Variants in ZNF365 observed in about 807,000 individuals in gnomAD.
ZNF365 encodes zinc finger protein 365, also known as protein ZNF365.
A neutral mutation model predicts 35.0 loss-of-function variants in ZNF365; 22 were observed. The observed-to-expected ratio is 0.63, with a 90% CI of 0.45 to 0.90. The LOEUF (loss-of-function observed/expected upper bound fraction) is 0.90, where lower values mean the gene tolerates loss of function less well. Ranked by LOEUF, ZNF365 falls within the 40% of genes least tolerant of loss-of-function variation. The pLI, the probability that ZNF365 is intolerant of heterozygous loss-of-function variation, is 0.00. For missense variants in ZNF365, 448 were observed against 500.3 expected, an observed-to-expected ratio of 0.90 and a Z score of 1.00; for synonymous variants, 188 against 196.2, an observed-to-expected ratio of 0.96 and a Z score of 0.35.
chr10:62,463,624 T>C (rs10995170), intron 4 of ZNF365, among the ~76,000 whole-genome samples: 45,326 of 152,190 alleles, frequency 0.3, 6,849 homozygotes, highest in South Asian at 0.35. Context: ...GTTAGAAGTG[T>C]TGTTACACAG....
intron 3 of ZNF365, among the ~76,000 whole-genome samples, chr10:62,455,602 T>A (rs2132476770): frequency 6.6e-6 from 1 of 151,872 alleles, no homozygotes; most frequent in South Asian, 2.1e-4. Flanking sequence ...AAATACTGAT[T>A]TATAAATCTC....
Position 62,402,104 on chromosome 10 carries a change from T to C in ZNF365, c.*2315T>C, listed in dbSNP as rs180949518. On this transcript the variant is annotated 3_prime_UTR_variant, in exon 5 of 5. Transcript: ENST00000395254. ...CCTGTTTGTGTCTTATTTTTAAATA[T>C]TTTCTTTGTCCACATGGGCCGTTGA... is the stretch of plus-strand genomic sequence containing the variant. 40 of 985,950 alleles carry C rather than the reference T, an allele frequency of 4.1e-5. No homozygotes were observed. The Admixed American group carries it at 2.2e-3, about 55-fold the overall frequency. 61.1% of individuals were successfully genotyped at this position (985,950 alleles called of 1,614,324 possible).
chr10:62,397,524 CA>C (rs1419244541), intron 3 of ZNF365, among the ~76,000 whole-genome samples: 3 of 152,178 alleles, frequency 2.0e-5, no homozygotes, highest in East Asian at 3.8e-4. Flanking sequence ...AGATCAGGAT[CA>C]GGGGGATGGA....
chr10:62,403,291 C>T (rs758129661), downstream of ZNF365, among the ~76,000 whole-genome samples: 4 of 152,082 alleles, frequency 2.6e-5, no homozygotes, highest in South Asian at 2.1e-4. Context: ...ATTGTCTTCA[C>T]GTTGGGTGGG....
At chr10:62,430,382 A>G (rs908324351) in intron 3 of ZNF365, among the ~76,000 whole-genome samples, 2 of 150,438 alleles carry the variant, frequency 1.3e-5, no homozygotes, top group Non-Finnish European at 1.5e-5. Context: ...GGGTTTCACC[A>G]TGTTAGCCAG....
chr10:62,469,897 C>T (rs946992515), intron 4 of ZNF365, among the ~76,000 whole-genome samples: 8 of 152,174 alleles, frequency 5.3e-5, no homozygotes, highest in Non-Finnish European at 7.3e-5. Context: ...AATGATATCA[C>T]ATTTCAAAAC....
chr10:62,405,810 A>C (rs1249386600), downstream of ZNF365, among the ~76,000 whole-genome samples: 3 of 152,230 alleles, frequency 2.0e-5, no homozygotes, highest in African/African-American at 7.2e-5. Flanking sequence ...TGAGTATATC[A>C]TACAGAAACA....
chr10:62,433,846 G>C (rs908726627), intron 3 of ZNF365, among the ~76,000 whole-genome samples: 1 of 152,172 alleles, frequency 6.6e-6, no homozygotes, highest in African/African-American at 2.4e-5. Flanking sequence ...GGGGTGCTTA[G>C]TTTCCTTGTG....
chr10:62,406,879 C>T (rs778686667), downstream of ZNF365, among the ~76,000 whole-genome samples: 24 of 152,202 alleles, frequency 1.6e-4, no homozygotes, highest in Non-Finnish European at 2.9e-4. Flanking sequence ...TGTATCTACC[C>T]TGATGCTCCA....
chr10:62,415,679 G>A (rs10995151), intron 3 of ZNF365, among the ~76,000 whole-genome samples: 75,599 of 152,022 alleles, frequency 0.5, 22,714 homozygotes, highest in East Asian at 0.76. Flanking sequence ...TCAATCTCCT[G>A]CCCTCACATC....
chr10:62,382,669 C>T (rs565999400), intron 2 of ZNF365, among the ~76,000 whole-genome samples: 49 of 152,254 alleles, frequency 3.2e-4, no homozygotes, highest in African/African-American at 8.2e-4. Flanking sequence ...TGCCTTAAGA[C>T]GTGCAGTTGT....
intron 3 of ZNF365, among the ~76,000 whole-genome samples, chr10:62,452,229 T>C (rs1422441943): frequency 6.6e-6 from 1 of 152,090 alleles, no homozygotes; most frequent in Non-Finnish European, 1.5e-5. Context: ...GAAATACTAT[T>C]ATTATTAGTG....
intron 3 of ZNF365, among the ~76,000 whole-genome samples, chr10:62,396,410 A>G (rs1419110927): frequency 6.6e-6 from 1 of 152,150 alleles, no homozygotes; most frequent in Non-Finnish European, 1.5e-5. Context: ...CTAAAATTGG[A>G]ATGATGATGC....
rs531881718 is a variant in ZNF365, at chr10:62,408,992, C to T, written c.924+20416C>T. Among the ~76,000 whole-genome samples the T allele has an allele frequency of 1.3e-3, 191 of 152,184 alleles. 1 individual carries two copies. Among genetic ancestry groups the T allele is most frequent in the African/African-American group, 4.2e-3 (173 of 41,470 alleles). On this transcript the variant is annotated intron_variant, in intron 3 of 4. Transcript: ENST00000395255. ...ACATCTGCTCTTCTTTTTGGCTGTT[C>T]GGAATTCAAACCCCCTTCTTGTGAC...
chr10:62,409,057 C>T (rs1839946795), intron 3 of ZNF365, among the ~76,000 whole-genome samples: 1 of 152,152 alleles, frequency 6.6e-6, no homozygotes, highest in Non-Finnish European at 1.5e-5. Context: ...GGGCCATCTC[C>T]TACTTAGAAG....
chr10:62,462,863 G>A (rs1031253891), intron 4 of ZNF365, among the ~76,000 whole-genome samples: 1 of 152,178 alleles, frequency 6.6e-6, no homozygotes, highest in African/African-American at 2.4e-5. Flanking sequence ...CCTTGCTAAT[G>A]GGAAAGATTT....
At chr10:62,459,656 T>C (rs1840814589) in intron 3 of ZNF365, 2 of 1,418,196 alleles carry the variant, frequency 1.4e-6, no homozygotes, top group East Asian at 2.5e-5. Flanking sequence ...GAATGGAACA[T>C]GGCACTGCTT....
At chr10:62,444,920 C>G (rs1028207352) in intron 3 of ZNF365, among the ~76,000 whole-genome samples, 2 of 151,806 alleles carry the variant, frequency 1.3e-5, no homozygotes, top group Non-Finnish European at 2.9e-5. Flanking sequence ...TGCTATCCCT[C>G]CCCCCTCTCC....
chr10:62,391,937 G>A (rs754699309), intron 3 of ZNF365, among the ~76,000 whole-genome samples: 22 of 152,114 alleles, frequency 1.4e-4, no homozygotes, highest in Non-Finnish European at 2.5e-4. Context: ...TTTCATTATG[G>A]CCATTCTTGC....
Sources: gnomAD v4.1 joint callset for allele counts (sites outside exome capture counted in the v4.1 genomes callset) on GRCh38, gnomAD v4.1.1 for gene constraint, MANE v1.5 for transcripts, NCBI Gene and HGNC (gene_info 2026-07-23, HGNC 2026-07-21) for gene names.